Variants in FBXL17 observed in about 807,000 individuals in gnomAD.
FBXL17 encodes F-box and leucine rich repeat protein 17, also known as F-box/LRR-repeat protein 17.
Under a neutral mutation model 66.2 loss-of-function variants are expected in FBXL17, and 22 were observed. The observed-to-expected ratio is 0.33, with a 90% CI of 0.24 to 0.47. The LOEUF (loss-of-function observed/expected upper bound fraction) is 0.47, where lower values mean the gene tolerates loss of function less well. Ranked by LOEUF, FBXL17 falls within the 20% of genes least tolerant of loss-of-function variation. FBXL17 has a pLI of 1.00. For missense variants in FBXL17, 878 were observed against 948.2 expected (o/e 0.93, Z 0.97); for synonymous variants, 474 against 400.5 (o/e 1.18, Z -2.19).
intron 4 of FBXL17, among the ~76,000 whole-genome samples, chr5:108,238,537 G>C (rs565782608): frequency 1.3e-5 from 2 of 152,146 alleles, no homozygotes; most frequent in Non-Finnish European, 1.5e-5. Context: ...GGGGAACAGG[G>C]TCTCATTCTG....
chr5:108,347,458 G>A (rs1279898387), intron 4 of FBXL17, among the ~76,000 whole-genome samples: 1 of 152,036 alleles, frequency 6.6e-6, no homozygotes, highest in Non-Finnish European at 1.5e-5. Flanking sequence ...CTGATATGAT[G>A]TACCTATCAT....
intron 7 of FBXL17, among the ~76,000 whole-genome samples, chr5:107,968,125 G>A (rs1457730955): frequency 1.3e-5 from 2 of 152,152 alleles, no homozygotes; most frequent in Non-Finnish European, 2.9e-5. Flanking sequence ...GAGGAATAGA[G>A]TAACAAGGGC....
intron 8 of FBXL17, among the ~76,000 whole-genome samples, chr5:107,869,506 A>G (rs557460047): frequency 6.6e-6 from 1 of 152,320 alleles, no homozygotes; most frequent in African/African-American, 2.4e-5. Flanking sequence ...GCAGTTTAAA[A>G]TATTTTAAAT....
chr5:107,973,761 A>G (rs1404650546), intron 7 of FBXL17, among the ~76,000 whole-genome samples: 1 of 152,032 alleles, frequency 6.6e-6, no homozygotes, highest in African/African-American at 2.4e-5. Flanking sequence ...AATGGAATCT[A>G]ACACAGGCAC....
intron 6 of FBXL17, among the ~76,000 whole-genome samples, chr5:108,130,398 A>C (rs1379793079): frequency 1.3e-5 from 2 of 152,036 alleles, no homozygotes; most frequent in Non-Finnish European, 2.9e-5. Flanking sequence ...ATCTGGATAT[A>C]GTAATATAAT....
At chr5:108,123,989 C>T (rs1750600890) in intron 6 of FBXL17, among the ~76,000 whole-genome samples, 1 of 152,090 alleles carries the variant, frequency 6.6e-6, no homozygotes, top group Admixed American at 6.5e-5. Flanking sequence ...ATTAAAGATA[C>T]AATAAGTTTG....
chr5:107,929,201 T>C (rs191029223), intron 7 of FBXL17, among the ~76,000 whole-genome samples: 12 of 152,196 alleles, frequency 7.9e-5, no homozygotes, highest in Admixed American at 7.9e-4. Flanking sequence ...AATAATTCAT[T>C]TTTAAATGCC....
chr5:107,975,085 C>G lies in FBXL17; in HGVS notation c.1822+45840G>C, dbSNP rs146675919. On this transcript the variant is annotated intron_variant, in intron 7 of 8. Transcript: ENST00000542267. ...AGTCTTTGTTCTGGGAGTAAAATAA[C>G]TTGAGAAAGTTCTCATTCTTAAAAT... Among the ~76,000 whole-genome samples, 454 of 152,252 alleles carry G rather than the reference C, an allele frequency of 3.0e-3. 1 individual carries two copies. Among genetic ancestry groups the G allele is most frequent in the African/African-American group, 0.011 (439 of 41,556 alleles).
At chr5:107,976,463 C>A (rs1752585553) in intron 7 of FBXL17, among the ~76,000 whole-genome samples, 1 of 151,986 alleles carries the variant, frequency 6.6e-6, no homozygotes, top group African/African-American at 2.4e-5. Flanking sequence ...AGGATCCTAC[C>A]CTTTCTCACT....
At chr5:108,025,737 A>G (rs900945517) in intron 6 of FBXL17, among the ~76,000 whole-genome samples, 38 of 151,518 alleles carry the variant, frequency 2.5e-4, no homozygotes, top group Non-Finnish European at 4.6e-4. Context: ...GCACACACAC[A>G]CACACACACA....
chr5:108,040,992 T>C (rs1041978729), intron 6 of FBXL17, among the ~76,000 whole-genome samples: 2 of 152,202 alleles, frequency 1.3e-5, no homozygotes, highest in African/African-American at 2.4e-5. Flanking sequence ...TTCTGTCTTG[T>C]AATGTATGAA....
intron 5 of FBXL17, among the ~76,000 whole-genome samples, chr5:108,198,414 C>G (rs1041817806): frequency 5.3e-5 from 8 of 152,086 alleles, no homozygotes; most frequent in Non-Finnish European, 1.0e-4. Context: ...GACTCTGGTC[C>G]TAAAATAAAT....
intron 6 of FBXL17, among the ~76,000 whole-genome samples, chr5:108,136,438 C>T (rs1321887319): frequency 1.3e-5 from 2 of 152,116 alleles, no homozygotes; most frequent in East Asian, 3.9e-4. Context: ...CGCTACAACA[C>T]CAAGTTTAAA....
chr5:108,103,254 G>A (rs1019613019), intron 6 of FBXL17, among the ~76,000 whole-genome samples: 1 of 152,184 alleles, frequency 6.6e-6, no homozygotes, highest in Non-Finnish European at 1.5e-5. Flanking sequence ...TATGCAAAAG[G>A]TAACCTGTAT....
chr5:108,273,776 T>C (rs1282297598), intron 4 of FBXL17, among the ~76,000 whole-genome samples: 1 of 152,070 alleles, frequency 6.6e-6, no homozygotes, highest in Non-Finnish European at 1.5e-5. Context: ...GATGATTCTG[T>C]GGAATAATAA....
chr5:108,061,666 G>C (rs528060863), intron 6 of FBXL17, among the ~76,000 whole-genome samples: 9 of 152,138 alleles, frequency 5.9e-5, no homozygotes, highest in South Asian at 2.1e-4. Flanking sequence ...ACCATTACTC[G>C]TAACTGGATT....
At chr5:108,279,151 T>C (rs919186063) in intron 4 of FBXL17, among the ~76,000 whole-genome samples, 1 of 152,108 alleles carries the variant, frequency 6.6e-6, no homozygotes, top group Non-Finnish European at 1.5e-5. Flanking sequence ...CAATGCCATG[T>C]CAGCCAACTC....
At chr5:108,083,460 G>A (rs891529573) in intron 6 of FBXL17, among the ~76,000 whole-genome samples, 11 of 152,162 alleles carry the variant, frequency 7.2e-5, no homozygotes, top group African/African-American at 2.7e-4. Context: ...GAGTGCAGTA[G>A]TGTGATCTCA....
chr5:108,084,112 C>T (rs942578192), intron 6 of FBXL17, among the ~76,000 whole-genome samples: 3 of 152,130 alleles, frequency 2.0e-5, no homozygotes, highest in African/African-American at 7.2e-5. Context: ...TAACACTGAC[C>T]TTCCTCTTGG....
Sources: allele counts gnomAD v4.1 joint callset (sites outside exome capture counted in the v4.1 genomes callset), GRCh38; gene constraint gnomAD v4.1.1; transcripts MANE v1.5; gene names NCBI Gene and HGNC (gene_info 2026-07-23, HGNC 2026-07-21).